The following SOX6 variants were observed in gnomAD, a reference collection of about 807,000 sequenced individuals.
The protein encoded by SOX6 is SRY-box transcription factor 6.
Under a neutral mutation model 97.8 loss-of-function variants are expected in SOX6, and 11 were observed. The observed-to-expected ratio is 0.11, with a 90% CI of 0.07 to 0.19. The LOEUF is 0.19. Among genes scored for constraint, SOX6 ranks in the 10% least tolerant of loss-of-function variants. The pLI is 1.00. For synonymous variants in SOX6, 360 were observed against 371.4 expected (o/e 0.97, Z 0.35); for missense variants, 810 against 1,039.5 (o/e 0.78, Z 3.04).
intron 4 of SOX6, among the ~76,000 whole-genome samples, chr11:16,226,311 ATTGTGTTTTTTTTGTTTTTGT>A (rs1204901260): frequency 7.2e-6 from 1 of 138,134 alleles, no homozygotes; most frequent in African/African-American, 2.7e-5. Context: ...CTATCACATA[ATTGTGTTTTTTTTGTTTTTGT>A]TTTTGTTTTT....
intron 9 of SOX6, among the ~76,000 whole-genome samples, chr11:16,073,962 A>T (rs1203171226): frequency 1.3e-5 from 2 of 152,198 alleles, no homozygotes; most frequent in Non-Finnish European, 2.9e-5. Flanking sequence ...CAGAGTTTAT[A>T]GTGCTAAATG....
chr11:16,373,845 A>AAGGAAGGAAGGAAGGG (rs1857563422), intron 1 of SOX6, among the ~76,000 whole-genome samples: 1 of 11,910 alleles, frequency 8.4e-5, no homozygotes, highest in African/African-American at 1.8e-4. Flanking sequence ...GGAAGGAAGG[A>AAGGAAGGAAGGAAGGG]AGGAAGGAAG....
At chr11:16,183,810 T>G in intron 6 of SOX6, 76 bp downstream of exon 6, 1 of 1,352,232 alleles carries the variant, frequency 7.4e-7, no homozygotes, top group Non-Finnish European at 1.1e-6. Context: ...GGGGTACATC[T>G]GCAGAGTTTT....
intron 1 of SOX6, among the ~76,000 whole-genome samples, chr11:16,469,028 T>C (rs976549523): frequency 6.6e-6 from 1 of 151,498 alleles, no homozygotes. Flanking sequence ...TGGCACAATA[T>C]GTAGTAAGCA....
At chr11:16,506,727 G>C (rs1335009936) in intron 4 of SOX6, among the ~76,000 whole-genome samples, 1 of 152,156 alleles carries the variant, frequency 6.6e-6, no homozygotes, top group Non-Finnish European at 1.5e-5. Flanking sequence ...TTTCCCCCTT[G>C]ATGTTCTTGT....
intron 1 of SOX6, among the ~76,000 whole-genome samples, chr11:16,450,906 T>C (rs1859703356): frequency 6.6e-6 from 1 of 152,296 alleles, no homozygotes; most frequent in South Asian, 2.1e-4. Context: ...CATGGACTTT[T>C]CAGTAAAAAT....
chr11:16,532,226 C>T (rs1209633065), intron 4 of SOX6, among the ~76,000 whole-genome samples: 1 of 151,760 alleles, frequency 6.6e-6, no homozygotes, highest in Non-Finnish European at 1.5e-5. Context: ...TTTTAAGTGA[C>T]TAGTCTTAGA....
At chr11:16,188,251 A>C (rs1851536153) in intron 4 of SOX6, among the ~76,000 whole-genome samples, 1 of 151,786 alleles carries the variant, frequency 6.6e-6, no homozygotes, top group Non-Finnish European at 1.5e-5. Flanking sequence ...AAAAAAGAAA[A>C]GCTGTCAGTA....
At chr11:16,010,907 T>C (rs1854701117) in intron 13 of SOX6, among the ~76,000 whole-genome samples, 1 of 152,020 alleles carries the variant, frequency 6.6e-6, no homozygotes, top group Non-Finnish European at 1.5e-5. Context: ...ATTCACTCAG[T>C]GTTTTATCAA....
chr11:15,997,177 C>T (rs757202752), intron 13 of SOX6, among the ~76,000 whole-genome samples: 2 of 152,056 alleles, frequency 1.3e-5, no homozygotes, highest in Non-Finnish European at 2.9e-5. Context: ...CCAAAATTCA[C>T]TCAAGAATAA....
intron 3 of SOX6, among the ~76,000 whole-genome samples, chr11:16,276,900 A>G (rs1240034331): frequency 6.6e-6 from 1 of 152,218 alleles, no homozygotes; most frequent in African/African-American, 2.4e-5. Context: ...CTGAACCACA[A>G]TTTCTTCATT....
intron 1 of SOX6, among the ~76,000 whole-genome samples, chr11:16,373,031 T>C (rs1304061366): frequency 1.3e-5 from 2 of 152,068 alleles, no homozygotes; most frequent in African/African-American, 2.4e-5. Flanking sequence ...GGTATGTAGA[T>C]ATATTTAGGA....
At chr11:16,151,923 T>C (rs958948637) in intron 6 of SOX6, among the ~76,000 whole-genome samples, 7 of 152,198 alleles carry the variant, frequency 4.6e-5, no homozygotes, top group African/African-American at 1.7e-4. Flanking sequence ...ATGAGAACTT[T>C]ATTTTGTATA....
intron 2 of SOX6, among the ~76,000 whole-genome samples, chr11:16,721,128 C>T (rs1848258174): frequency 6.6e-6 from 1 of 152,156 alleles, no homozygotes; most frequent in South Asian, 2.1e-4. Flanking sequence ...AAGTTAAAGG[C>T]CCCTCTTAAT....
chr11:16,373,224 G>A (rs1857539333), intron 1 of SOX6, among the ~76,000 whole-genome samples: 1 of 151,984 alleles, frequency 6.6e-6, no homozygotes, highest in African/African-American at 2.4e-5. Context: ...TCCTTCACAG[G>A]CAGAATGACA....
intron 3 of SOX6, among the ~76,000 whole-genome samples, chr11:16,632,858 C>G (rs1258395610): frequency 6.6e-6 from 1 of 152,190 alleles, no homozygotes; most frequent in African/African-American, 2.4e-5. Flanking sequence ...CGGAGTGGCT[C>G]AGGCTTCTGA....
In SOX6 at chr11:16,186,172, C is replaced by T. The variant is rs114838088; in HGVS notation, c.708+611G>A. Among the ~76,000 whole-genome samples, 259 of 152,218 alleles carry T rather than the reference C, an allele frequency of 1.7e-3. 1 individual carries two copies. The highest frequency in any genetic ancestry group is 4.2e-3 in the African/African-American group (174 of 41,528). ...CAATCAGGTCAAATACTTTTAGGAA[C>T]GATGTACTAATTTGTATTCAATGAC... On this transcript the variant is annotated intron_variant, in intron 5 of 15. Coordinates refer to ENST00000683767, the MANE Select transcript of SOX6 (RefSeq NM_001367873.1).
intron 3 of SOX6, among the ~76,000 whole-genome samples, chr11:16,702,469 G>T (rs1456665180): frequency 1.3e-5 from 2 of 152,042 alleles, no homozygotes; most frequent in South Asian, 2.1e-4. Context: ...ATGCATCCAT[G>T]TACCAGCAAG....
intron 9 of SOX6, among the ~76,000 whole-genome samples, chr11:16,091,055 T>C (rs1467780101): frequency 6.6e-6 from 1 of 152,088 alleles, no homozygotes; most frequent in African/African-American, 2.4e-5. Context: ...AAGAAAGTTA[T>C]AGTGGAAACT....
Sources: gnomAD v4.1 joint callset for allele counts (sites outside exome capture counted in the v4.1 genomes callset) on GRCh38, gnomAD v4.1.1 for gene constraint, MANE v1.5 for transcripts, NCBI Gene and HGNC (gene_info 2026-07-23, HGNC 2026-07-21) for gene names.